OPALIN: variants seen among roughly 807,000 people sequenced by gnomAD.
OPALIN encodes the protein transmembrane protein 10.
Under a neutral mutation model 17.8 loss-of-function variants are expected in OPALIN, and 15 were observed. The observed-to-expected ratio is 0.84, with a 90% confidence interval of 0.56 to 1.29. The LOEUF is 1.29. Among genes scored for constraint, OPALIN ranks in the 50% most tolerant of loss-of-function variants. The pLI, the probability that OPALIN is intolerant of heterozygous loss-of-function variation, is 0.00. For missense variants in OPALIN, 170 were observed against 176.0 expected (o/e 0.97, Z 0.19); for synonymous variants, 62 against 63.8 (o/e 0.97, Z 0.14).
intron 3 of OPALIN, among the ~76,000 whole-genome samples, chr10:96,350,343 G>A (rs1845528665): frequency 6.6e-6 from 1 of 152,214 alleles, no homozygotes; most frequent in African/African-American, 2.4e-5. Context: ...AGCCTCCTGA[G>A]TAGCTGGGAC....
intron 1 of OPALIN, chr10:96,357,260 G>T (rs1384603982): frequency 1.7e-6 from 1 of 602,018 alleles, no homozygotes; most frequent in Non-Finnish European, 2.1e-6. Context: ...AGAAGAGGGG[G>T]TGCAGCAACA....
chr10:96,354,115 G>A lies in OPALIN; in HGVS notation c.39+1140C>T, dbSNP rs536671669. On this transcript the variant is annotated intron_variant, in intron 2 of 5. Transcript: ENST00000371172. The stretch of plus-strand genomic sequence containing the variant: ...ACCAGACAACTTATCAGAAAAATGT[G>A]GCACAGCCAAGCCCACTAAAAAACT... Among the ~76,000 whole-genome samples, 4 of 152,244 alleles carry A rather than the reference G, an allele frequency of 2.6e-5. No individual in the cohort carries two copies. In the South Asian group the frequency reaches 8.3e-4, roughly 32 times the overall value.
rs776948148 is a variant in OPALIN at position 96,349,662 on chromosome 10, C to G, written c.192+45G>C. 6 of 1,587,268 alleles carry G rather than the reference C, an allele frequency of 3.8e-6. No individual in the cohort carries two copies. In the African/African-American group the frequency reaches 4.1e-5, roughly 11 times the overall value. On this transcript the variant is annotated intron_variant, in intron 4 of 5. Coordinates refer to ENST00000371172, the MANE Select transcript of OPALIN (RefSeq NM_033207.5). ...GTCCAAAAGCCAGTTCACTGAAATACTGGTGGCTGCCTATACATCTGGACC... is the reference window on the plus strand; with the variant it reads ...GTCCAAAAGCCAGTTCACTGAAATAGTGGTGGCTGCCTATACATCTGGACC...
intron 2 of OPALIN, chr10:96,353,537 G>A: frequency 1.1e-6 from 1 of 935,706 alleles, no homozygotes; most frequent in Non-Finnish European, 1.8e-6. Context: ...CTCTACACGG[G>A]ATCAAAGGGG....
chr10:96,352,664 C>T (rs1330835918), intron 2 of OPALIN, among the ~76,000 whole-genome samples: 2 of 143,680 alleles, frequency 1.4e-5, no homozygotes, highest in African/African-American at 5.1e-5. Flanking sequence ...CAGAAATACA[C>T]TTAGGGTGGC....
At chr10:96,352,791 G>T (rs896928289) in intron 2 of OPALIN, among the ~76,000 whole-genome samples, 1 of 152,116 alleles carries the variant, frequency 6.6e-6, no homozygotes, top group Non-Finnish European at 1.5e-5. Flanking sequence ...ACCTTGGAAC[G>T]GGGAACTTGT....
chr10:96,349,677 A>G (rs770018353), intron 4 of OPALIN, 30 bp downstream of exon 4: 6 of 1,603,406 alleles, frequency 3.7e-6, no homozygotes, highest in Non-Finnish European at 5.1e-6. Flanking sequence ...GGCTGCCTAT[A>G]CATCTGGACC....
At position 96,349,720 on chromosome 10, in the gene OPALIN, A is replaced by G. The variant is rs1845491266; in HGVS notation, c.179T>C (p.Ile60Thr). 1 of 1,613,902 alleles carries G rather than the reference A, an allele frequency of 6.2e-7. No homozygotes were observed. The highest frequency in any genetic ancestry group is 2.2e-5 in the East Asian group (1 of 44,886). The change falls in exon 4 of 6, where the codon ATT becomes ACT. Residue 60 changes from isoleucine to threonine, a missense_variant. Transcript: ENST00000371172. ...GCTAGTAATCACCTCCATGGCCTCA[A>G]TGCTGCTTCTTCTTCGGTGAATCAA... ...FTLIHRRRSS[I>T]EAMEESDRPC...
chr10:96,349,684 G>A, intron 4 of OPALIN, 23 bp downstream of exon 4: 1 of 1,609,498 alleles, frequency 6.2e-7, no homozygotes. Context: ...TATACATCTG[G>A]ACCCAAAGAA....
chr10:96,356,826 C>A, intron 1 of OPALIN: 2 of 951,626 alleles, frequency 2.1e-6, no homozygotes, highest in South Asian at 4.9e-5. Flanking sequence ...CAATAGGACA[C>A]CCGCATTTTA....
At chr10:96,356,809 CT>C in intron 1 of OPALIN, 2 of 869,348 alleles carry the variant, frequency 2.3e-6, no homozygotes, top group Non-Finnish European at 2.8e-6. Context: ...ACTTCTCCCC[CT>C]CTTGGCAATA....
intron 2 of OPALIN, chr10:96,353,427 T>A (rs762746498): frequency 6.2e-7 from 1 of 1,613,522 alleles, no homozygotes; most frequent in African/African-American, 1.3e-5. Context: ...GAAATGTGAC[T>A]TCCAGGCAGG....
intron 5 of OPALIN, among the ~76,000 whole-genome samples, chr10:96,347,335 C>T (rs778086802): frequency 2.6e-5 from 4 of 151,166 alleles, no homozygotes; most frequent in African/African-American, 9.7e-5. Flanking sequence ...CTCAGGTGAT[C>T]CACCTGCCTT....
At chr10:96,348,024 C>G (rs987680972) in intron 5 of OPALIN, among the ~76,000 whole-genome samples, 1 of 152,142 alleles carries the variant, frequency 6.6e-6, no homozygotes, top group East Asian at 1.9e-4. Context: ...ACTTTCTTCC[C>G]CTATTGAGAT....
At chr10:96,351,257 T>G in intron 3 of OPALIN, 121 bp downstream of exon 3, 13 of 675,372 alleles carry the variant, frequency 1.9e-5, no homozygotes, top group Admixed American at 3.0e-5. Context: ...GAATAATTCT[T>G]GAGCCAGATT....
rs11188733 is a variant in OPALIN at position 96,355,299 on chromosome 10, T to C, written c.4-9A>G. On this transcript the variant is annotated splice_polypyrimidine_tract_variant and intron_variant, in intron 1 of 5. Transcript: ENST00000371172. ...AAGTTCAGTGAAAAACTCTGCAAGA[T>C]AGAAGTAAACATTAAAGCTCCCAGG... is the stretch of plus-strand genomic sequence containing the variant. The C allele has an allele frequency of 0.014, 23,240 of 1,613,530 alleles. 253 individuals carry two copies. The highest frequency in any genetic ancestry group is 0.046 in the Middle Eastern group (281 of 6,050).
intron 2 of OPALIN, among the ~76,000 whole-genome samples, chr10:96,353,922 A>G (rs1244741432): frequency 1.3e-5 from 2 of 152,216 alleles, no homozygotes; most frequent in Non-Finnish European, 2.9e-5. Context: ...CAATGTATTC[A>G]GTTCACAGAG....
chr10:96,346,416 C>G (rs1845328472), intron 5 of OPALIN, among the ~76,000 whole-genome samples: 2 of 152,128 alleles, frequency 1.3e-5, no homozygotes, highest in Admixed American at 1.3e-4. Flanking sequence ...TGTCTTTTAA[C>G]TGTTAATCTA....
chr10:96,354,834 A>C (rs2134029770), intron 2 of OPALIN, among the ~76,000 whole-genome samples: 1 of 150,934 alleles, frequency 6.6e-6, no homozygotes, highest in South Asian at 2.1e-4. Flanking sequence ...GGTGGCTCAC[A>C]CCTATAATCC....
Sources: gnomAD v4.1 joint callset for allele counts (sites outside exome capture counted in the v4.1 genomes callset) on GRCh38, gnomAD v4.1.1 for gene constraint, MANE v1.5 for transcripts, NCBI Gene and HGNC (gene_info 2026-07-23, HGNC 2026-07-21) for gene names.